The following CPT1A variants were observed in gnomAD, a reference collection of about 807,000 sequenced individuals.
CPT1A encodes the protein carnitine palmitoyltransferase 1A.
In CPT1A, 64 loss-of-function variants were observed where a neutral mutation model predicts 100.8. The observed-to-expected ratio is 0.63, with a 90% CI of 0.52 to 0.78. The LOEUF is 0.78. Among genes scored for constraint, CPT1A ranks in the 30% least tolerant of loss-of-function variants. The pLI is 0.00. For synonymous variants in CPT1A, 363 were observed against 396.0 expected (o/e 0.92, Z 0.99); for missense variants, 802 against 1,034.1 (o/e 0.78, Z 3.08).
chr11:68,784,092 G>T (rs1855386207), intron 10 of CPT1A, among the ~76,000 whole-genome samples: 1 of 152,120 alleles, frequency 6.6e-6, no homozygotes, highest in East Asian at 1.9e-4. Context: ...CAAACCCCTA[G>T]GCTCAAGTGA....
chr11:68,776,657 T>C (rs1855149246), intron 12 of CPT1A, among the ~76,000 whole-genome samples: 1 of 152,068 alleles, frequency 6.6e-6, no homozygotes, highest in African/African-American at 2.4e-5. Context: ...GGCGGGTAGA[T>C]CACTTTAGGT....
intron 5 of CPT1A, among the ~76,000 whole-genome samples, chr11:68,802,430 GAA>G (rs71043451): frequency 0.84 from 119,974 of 143,386 alleles, 50,556 homozygotes; most frequent in South Asian, 0.96. Context: ...TCCGTCTCTG[GAA>G]AAAAAAAAAA....
chr11:68,773,750 G>A, intron 13 of CPT1A: 1 of 345,464 alleles, frequency 2.9e-6, no homozygotes, highest in Non-Finnish European at 5.6e-6. Flanking sequence ...AATAATAATA[G>A]GTCACAGCCG....
rs754521758 is a variant in CPT1A at position 68,793,417 on chromosome 11, T to C, written c.880-15A>G. The C allele has an allele frequency of 5.6e-6, 9 of 1,598,732 alleles. No individual in the cohort carries two copies. Among genetic ancestry groups the C allele is most frequent in the Admixed American group, 1.7e-5 (1 of 59,030 alleles). On this transcript the variant is annotated splice_polypyrimidine_tract_variant and intron_variant, in intron 8 of 18. Transcript: ENST00000265641. ...AAAAGACGAATCTGTAACAAAAATA[T>C]ATTTCAAACCAACAACGAAAATCCC...
chr11:68,760,110 G>T (rs898971852), intron 17 of CPT1A, 115 bp downstream of exon 17: 1 of 737,142 alleles, frequency 1.4e-6, no homozygotes. Flanking sequence ...ATTCCTTTAC[G>T]GCGGTAGAAC....
Position 68,757,544 on chromosome 11 carries a change from G to A in CPT1A, c.*100C>T. ...TGGAAGGAAAACTGAGTTTTTTTAA[G>A]AGCAGTGTTTCATCCCGAGCTAAGG... On this transcript the variant is annotated 3_prime_UTR_variant, in exon 19 of 19. Coordinates refer to ENST00000265641, the MANE Select transcript of CPT1A (RefSeq NM_001876.4). 1 of 1,582,594 alleles carries A rather than the reference G, an allele frequency of 6.3e-7. No homozygotes were observed. Among genetic ancestry groups the A allele is most frequent in the South Asian group, 1.1e-5 (1 of 87,052 alleles).
At chr11:68,821,372 T>G (rs1438629297) in intron 1 of CPT1A, among the ~76,000 whole-genome samples, 2 of 152,000 alleles carry the variant, frequency 1.3e-5, no homozygotes, top group Admixed American at 1.3e-4. Context: ...AGGCTGGCCT[T>G]GAACTCCTGA....
chr11:68,815,527 T>C (rs1856361140), intron 1 of CPT1A, 40 bp from the exon 2 acceptor site: 2 of 1,603,752 alleles, frequency 1.2e-6, no homozygotes, highest in Non-Finnish European at 1.7e-6. Flanking sequence ...GTGGAACGTG[T>C]GACCAGACAC....
At chr11:68,838,360 T>C (rs7943745) in intron 1 of CPT1A, among the ~76,000 whole-genome samples, 60,525 of 151,544 alleles carry the variant, frequency 0.4, 14,620 homozygotes, top group Admixed American at 0.59. Context: ...GATCCAACCT[T>C]CACCTGACAT....
chr11:68,810,147 C>T (rs1856162134), intron 3 of CPT1A, among the ~76,000 whole-genome samples: 1 of 152,164 alleles, frequency 6.6e-6, no homozygotes, highest in African/African-American at 2.4e-5. Context: ...CACTGCACTC[C>T]AGCCTGGGTG....
At chr11:68,821,175 G>A (rs749361057) in intron 1 of CPT1A, among the ~76,000 whole-genome samples, 22 of 151,832 alleles carry the variant, frequency 1.4e-4, no homozygotes, top group Non-Finnish European at 2.9e-4. Flanking sequence ...TTTTTGAGAC[G>A]GAGTTTTGCT....
chr11:68,762,821 G>C, intron 14 of CPT1A, 60 bp from the exon 15 acceptor site: 1 of 1,604,900 alleles, frequency 6.2e-7, no homozygotes, highest in Non-Finnish European at 8.5e-7. Flanking sequence ...TAAAACGTAA[G>C]GAAGGATTGG....
intron 14 of CPT1A, among the ~76,000 whole-genome samples, chr11:68,767,257 C>G (rs1854834713): frequency 6.6e-6 from 1 of 152,200 alleles, no homozygotes; most frequent in Admixed American, 6.5e-5. Context: ...TAAGAAACAC[C>G]TGACTTTCAC....
At chr11:68,758,776 A>G (rs1264295731) in intron 18 of CPT1A, among the ~76,000 whole-genome samples, 1 of 151,942 alleles carries the variant, frequency 6.6e-6, no homozygotes, top group East Asian at 1.9e-4. Flanking sequence ...GTGCCACCAC[A>G]CCAGCTAAGT....
At chr11:68,827,414 A>G (rs974091549) in intron 1 of CPT1A, among the ~76,000 whole-genome samples, 2 of 152,220 alleles carry the variant, frequency 1.3e-5, no homozygotes, top group Non-Finnish European at 2.9e-5. Context: ...GCTTTAAATC[A>G]TAAGATAACC....
At chr11:68,831,949 C>T (rs1221972752) in intron 1 of CPT1A, among the ~76,000 whole-genome samples, 1 of 151,774 alleles carries the variant, frequency 6.6e-6, no homozygotes, top group East Asian at 2.0e-4. Context: ...ATTCTTTTTA[C>T]CAAACCCTTT....
In CPT1A at chr11:68,826,651, T is replaced by A. The variant is rs191627380; in HGVS notation, c.-13-11164A>T. Among the ~76,000 whole-genome samples the A allele has an allele frequency of 5.6e-3, 826 of 148,390 alleles. 8 individuals carry two copies. The highest frequency in any genetic ancestry group is 0.019 in the African/African-American group (782 of 40,266). On this transcript the variant is annotated intron_variant, in intron 1 of 18. Transcript: ENST00000265641. ...TACTCGGGAGGCTGAGGGAGGAGAATGGCGTGAACCCGGGAGCCGGAGCTT... is the reference window on the plus strand; with the variant it reads ...TACTCGGGAGGCTGAGGGAGGAGAAAGGCGTGAACCCGGGAGCCGGAGCTT...
chr11:68,816,807 T>C (rs1856410185), intron 1 of CPT1A, among the ~76,000 whole-genome samples: 1 of 139,104 alleles, frequency 7.2e-6, no homozygotes, highest in African/African-American at 2.9e-5. Context: ...GTGTGTGTGG[T>C]ATGTGTGTGT....
At chr11:68,802,288 C>T (rs1208789335) in intron 5 of CPT1A, among the ~76,000 whole-genome samples, 1 of 151,826 alleles carries the variant, frequency 6.6e-6, no homozygotes, top group African/African-American at 2.4e-5. Flanking sequence ...TACATTTTAC[C>T]ATAATTTTTT....
Sources: gnomAD v4.1 joint callset for allele counts (sites outside exome capture counted in the v4.1 genomes callset) on GRCh38, gnomAD v4.1.1 for gene constraint, MANE v1.5 for transcripts, NCBI Gene and HGNC (gene_info 2026-07-23, HGNC 2026-07-21) for gene names.